The following TRAPPC6A variants were observed in gnomAD, a reference collection of about 807,000 sequenced individuals.
TRAPPC6A encodes TRAPP complex subunit 6A.
In TRAPPC6A, 25 loss-of-function variants were observed where a neutral mutation model predicts 20.8. The ratio of observed to expected loss-of-function variants is 1.20; its 90% CI spans 0.88 to 1.68. The LOEUF is 1.68. TRAPPC6A is among the 40% of genes most tolerant of loss of function. TRAPPC6A has a pLI of 0.00. For synonymous variants in TRAPPC6A, 96 were observed against 93.3 expected, an observed-to-expected ratio of 1.03 and a Z score of -0.16; for missense variants, 215 against 211.6, an observed-to-expected ratio of 1.02 and a Z score of -0.10.
At chr19:45,177,683 C>T (rs1457937999) in intron 1 of TRAPPC6A, among the ~76,000 whole-genome samples, 2 of 152,176 alleles carry the variant, frequency 1.3e-5, no homozygotes, top group East Asian at 3.9e-4. Flanking sequence ...GGGATTCTGT[C>T]TTAGAACGGT....
chr19:45,164,584 TG>T (rs1568462334), intron 3 of TRAPPC6A: 1 of 582,042 alleles, frequency 1.7e-6, no homozygotes, highest in Non-Finnish European at 3.1e-6. Context: ...AGCATCACAC[TG>T]GGGGTAGGGC....
intron 1 of TRAPPC6A, among the ~76,000 whole-genome samples, chr19:45,171,061 G>A (rs944978442): frequency 2.0e-5 from 3 of 152,238 alleles, no homozygotes; most frequent in Non-Finnish European, 2.9e-5. Context: ...CAGCACTTTG[G>A]GAAGCCAAGG....
At chr19:45,176,992 C>T (rs1481912960) in intron 1 of TRAPPC6A, among the ~76,000 whole-genome samples, 1 of 151,398 alleles carries the variant, frequency 6.6e-6, no homozygotes, top group African/African-American at 2.4e-5. Context: ...CAGTGAAAAC[C>T]CGTCTCTACT....
At position 45,176,570 on chromosome 19, in the gene TRAPPC6A, T is replaced by C. The variant is rs1393345600; in HGVS notation, c.84+1565A>G. ...GGGCCTCAAGTGATCCTCCCACCTC[T>C]GCTTCCTGAGTACCTGGGATTACAG... On this transcript the variant is annotated intron_variant, in intron 1 of 5. Transcript: ENST00000585934. Among the ~76,000 whole-genome samples, 6 of 152,360 alleles carry C rather than the reference T, an allele frequency of 3.9e-5. No individual in the cohort carries two copies. In the South Asian group the frequency reaches 1.2e-3, roughly 32 times the overall value.
chr19:45,170,020 T>C (rs1039774447), intron 1 of TRAPPC6A, among the ~76,000 whole-genome samples: 1 of 152,122 alleles, frequency 6.6e-6, no homozygotes, highest in East Asian at 1.9e-4. Flanking sequence ...GCTGGGAGAC[T>C]GAGTGCAAGG....
At chr19:45,167,993 C>CTT (rs968943946) in intron 1 of TRAPPC6A, among the ~76,000 whole-genome samples, 78 of 100,000 alleles carry the variant, frequency 7.8e-4, no homozygotes, top group East Asian at 9.3e-4. Context: ...AAGACCCTGT[C>CTT]TTTTTTTTTT....
Position 45,173,820 on chromosome 19 carries a change from T to C in TRAPPC6A, c.84+4315A>G, listed in dbSNP as rs1248383712. Among the ~76,000 whole-genome samples the C allele has an allele frequency of 6.6e-6, 1 of 152,152 alleles. No homozygotes were observed. The highest frequency in any genetic ancestry group is 2.1e-4 in the South Asian group (1 of 4,830). The stretch of plus-strand genomic sequence containing the variant: ...GGGGAAACGATGCAGTTCTCACCCC[T>C]AGCTGCAGCGAGAGCCACCTGGGAG... On this transcript the variant is annotated intron_variant, in intron 1 of 5. Coordinates refer to ENST00000585934, the MANE Select transcript of TRAPPC6A (RefSeq NM_001270891.2). The surrounding 1 kb of genome is among the most constrained non-coding windows in gnomAD (Gnocchi z 4.8).
intron 1 of TRAPPC6A, among the ~76,000 whole-genome samples, chr19:45,166,828 C>T (rs1969164472): frequency 6.6e-6 from 1 of 152,152 alleles, no homozygotes; most frequent in Non-Finnish European, 1.5e-5. Context: ...CCCTCCAGGG[C>T]TGCACCATCA....
At chr19:45,166,562 A>C (rs1044718492) in intron 1 of TRAPPC6A, among the ~76,000 whole-genome samples, 1 of 150,594 alleles carries the variant, frequency 6.6e-6, no homozygotes, top group Non-Finnish European at 1.5e-5. Flanking sequence ...AAGCAGAGGA[A>C]GGGAGGAGGC....
At chr19:45,178,019 C>A in intron 1 of TRAPPC6A, 116 bp downstream of exon 1, 1 of 1,546,858 alleles carries the variant, frequency 6.5e-7, no homozygotes, top group South Asian at 1.2e-5. Context: ...CCAGACGTTG[C>A]CCTGCAAGGC....
In TRAPPC6A at chr19:45,172,920, C is replaced by T. The variant is rs532040071; in HGVS notation, c.84+5215G>A. On this transcript the variant is annotated intron_variant, in intron 1 of 5. Coordinates refer to ENST00000585934, the MANE Select transcript of TRAPPC6A (RefSeq NM_001270891.2). The surrounding 1 kb of genome is among the most constrained non-coding windows in gnomAD (Gnocchi z 4.2). ...GGAGCCCCAGTTCCCAGGAGGGCCTCGCTGGAGCTCCCAGCCACAGATGCT... is the reference window on the plus strand; with the variant it reads ...GGAGCCCCAGTTCCCAGGAGGGCCTTGCTGGAGCTCCCAGCCACAGATGCT... Among the ~76,000 whole-genome samples the T allele has an allele frequency of 8.0e-4, 121 of 151,814 alleles. 3 individuals are homozygous for T. The highest frequency in any genetic ancestry group is 2.9e-3 in the African/African-American group (118 of 41,102).
intron 1 of TRAPPC6A, among the ~76,000 whole-genome samples, chr19:45,175,000 A>G (rs1398148291): frequency 1.3e-5 from 2 of 148,490 alleles, no homozygotes; most frequent in African/African-American, 2.5e-5. Context: ...GGTGGCTCAC[A>G]CCTGTAATCC....
At chr19:45,170,551 G>T (rs1040679971) in intron 1 of TRAPPC6A, among the ~76,000 whole-genome samples, 1 of 152,212 alleles carries the variant, frequency 6.6e-6, no homozygotes, top group Non-Finnish European at 1.5e-5. Flanking sequence ...GGAGCGTGGA[G>T]TCTGAAGGGG....
intron 1 of TRAPPC6A, among the ~76,000 whole-genome samples, chr19:45,176,412 C>G (rs1459684374): frequency 6.6e-6 from 1 of 151,966 alleles, no homozygotes; most frequent in Admixed American, 6.6e-5. Flanking sequence ...TGCAGTGAGC[C>G]AAGATTGCGC....
intron 1 of TRAPPC6A, among the ~76,000 whole-genome samples, chr19:45,177,649 G>T (rs1969419195): frequency 6.6e-6 from 1 of 152,156 alleles, no homozygotes; most frequent in Non-Finnish European, 1.5e-5. Flanking sequence ...GACTCCCCTA[G>T]TGAAATGTAA....
chr19:45,163,813 A>G lies in TRAPPC6A; in HGVS notation c.448+103T>C. On this transcript the variant is annotated intron_variant, in intron 5 of 5. Coordinates refer to ENST00000585934, the MANE Select transcript of TRAPPC6A (RefSeq NM_001270891.2). The surrounding 1 kb of genome is among the most constrained non-coding windows in gnomAD (Gnocchi z 5.3). The stretch of plus-strand genomic sequence containing the variant: ...CGTGTGGCTGAGCAGGTGACTTAAA[A>G]CTGGGCCTGCCTCCCAGGCACACAC... The G allele has an allele frequency of 9.3e-7, 1 of 1,073,992 alleles. No homozygotes were observed. Among genetic ancestry groups the G allele is most frequent in the South Asian group, 1.5e-5 (1 of 65,818 alleles). The allele number at this position is 1,073,992 out of a possible 1,614,324, so 66.5% of individuals were successfully genotyped here.
chr19:45,165,305 G>A, intron 1 of TRAPPC6A, 111 bp from the exon 2 acceptor site: 2 of 1,037,174 alleles, frequency 1.9e-6, no homozygotes, highest in Non-Finnish European at 1.4e-6. Context: ...GTGCTCGTCA[G>A]TTCAGGGGTG....
chr19:45,164,658 G>A (rs1205476719), intron 3 of TRAPPC6A, 195 bp downstream of exon 3: 11 of 612,108 alleles, frequency 1.8e-5, no homozygotes, highest in South Asian at 5.8e-5. Context: ...GAGAAGTTCC[G>A]GAAACACCCC....
Position 45,163,010 on chromosome 19 carries a change from C to G in TRAPPC6A, c.*182G>C. 4.9e-6 allele frequency: 3 copies of G among 608,580 alleles called. No individual in the cohort carries two copies. The highest frequency in any genetic ancestry group is 3.1e-5 in the East Asian group (1 of 32,142). 37.7% of individuals were successfully genotyped at this position (608,580 alleles called of 1,614,324 possible). A position where few individuals can be genotyped will look rare whatever the true frequency, so the allele number is the denominator to read the frequency against. Reference sequence around the variant, plus strand: ...GCGGGAATCCCACCACAGTCCTGACCGCAGCTGGGACCCCTTTGCCTCCTC... The same window carrying G: ...GCGGGAATCCCACCACAGTCCTGACGGCAGCTGGGACCCCTTTGCCTCCTC... On this transcript the variant is annotated 3_prime_UTR_variant, in exon 6 of 6. Transcript: ENST00000585934. The surrounding 1 kb of genome is among the most constrained non-coding windows in gnomAD (Gnocchi z 5.3).
Sources: gnomAD v4.1 joint callset for allele counts (sites outside exome capture counted in the v4.1 genomes callset) on GRCh38, gnomAD v4.1.1 for gene constraint, Gnocchi (gnomAD v3.1) non-coding constraint, MANE v1.5 for transcripts, NCBI Gene and HGNC (gene_info 2026-07-23, HGNC 2026-07-21) for gene names.